DPP6: variants seen among roughly 807,000 people sequenced by gnomAD.
The protein encoded by DPP6 is A-type potassium channel modulatory protein DPP6.
DPP6 carries 69 observed loss-of-function variants against 122.6 expected under a neutral mutation model. That is an observed-to-expected ratio of 0.56 (90% CI 0.46 to 0.69). The LOEUF (loss-of-function observed/expected upper bound fraction) is 0.69, where lower values mean the gene tolerates loss of function less well. DPP6 is among the 30% of genes least tolerant of loss of function. The probability of loss-of-function intolerance (pLI) is 0.00; values close to 1 mark genes in which losing one functional copy is unlikely to be tolerated. For synonymous variants in DPP6, 418 were observed against 433.1 expected (o/e 0.97, Z 0.43); for missense variants, 928 against 1,116.9 (o/e 0.83, Z 2.41).
intron 8 of DPP6, among the ~76,000 whole-genome samples, chr7:154,751,113 G>T (rs915152430): frequency 6.6e-6 from 1 of 152,196 alleles, no homozygotes; most frequent in African/African-American, 2.4e-5. Flanking sequence ...GCAGATGGAT[G>T]TGCTGGGAGG....
At chr7:154,231,683 C>A (rs976765162) in intron 1 of DPP6, among the ~76,000 whole-genome samples, 9 of 152,066 alleles carry the variant, frequency 5.9e-5, no homozygotes, top group African/African-American at 2.2e-4. Flanking sequence ...TGTCTCTATG[C>A]CTGCAGTGAA....
At chr7:154,385,722 G>T (rs1028221332) in intron 1 of DPP6, among the ~76,000 whole-genome samples, 10 of 152,156 alleles carry the variant, frequency 6.6e-5, no homozygotes, top group African/African-American at 2.4e-4. Context: ...GTGTACGGAT[G>T]AATTCCTCAA....
At chr7:154,237,664 T>C (rs1801305098) in intron 1 of DPP6, among the ~76,000 whole-genome samples, 1 of 152,182 alleles carries the variant, frequency 6.6e-6, no homozygotes, top group African/African-American at 2.4e-5. Flanking sequence ...TTTTTTCTCT[T>C]TTCCTTCTCC....
chr7:154,650,146 A>G (rs1278809324), intron 6 of DPP6, among the ~76,000 whole-genome samples: 1 of 152,072 alleles, frequency 6.6e-6, no homozygotes, highest in African/African-American at 2.4e-5. Flanking sequence ...ATAGCAAGAC[A>G]CCCATCTCTA....
At chr7:154,746,918 T>A (rs925528662) in intron 8 of DPP6, among the ~76,000 whole-genome samples, 1 of 152,206 alleles carries the variant, frequency 6.6e-6, no homozygotes, top group African/African-American at 2.4e-5. Context: ...AACTCAAGTA[T>A]AAGCACCCTA....
chr7:154,874,121 CCACACACCCCACACATGTG>C (rs1227628604), intron 19 of DPP6, among the ~76,000 whole-genome samples: 8 of 151,944 alleles, frequency 5.3e-5, no homozygotes, highest in Non-Finnish European at 1.0e-4. Context: ...ACCCACAGAC[CCACACACCCCACACATGTG>C]CACACACACC....
chr7:154,742,040 G>A (rs1366736489), intron 8 of DPP6, among the ~76,000 whole-genome samples: 1 of 152,216 alleles, frequency 6.6e-6, no homozygotes, highest in East Asian at 1.9e-4. Flanking sequence ...CGCCCAGATT[G>A]GATGAGTCAC....
intron 10 of DPP6, among the ~76,000 whole-genome samples, chr7:154,780,772 T>G (rs1796969958): frequency 6.6e-6 from 1 of 152,212 alleles, no homozygotes; most frequent in Non-Finnish European, 1.5e-5. Flanking sequence ...TTTAAATGTG[T>G]TAACATGCAT....
At chr7:153,887,011 G>C (rs1275862135), upstream of DPP6, 1 of 152,650 alleles carries the variant, frequency 6.6e-6, no homozygotes, top group Non-Finnish European at 1.5e-5. Context: ...CCCGAGGAGG[G>C]GTGTCTGGGG....
At chr7:154,696,617 A>G (rs1418396494) in intron 7 of DPP6, among the ~76,000 whole-genome samples, 1 of 152,214 alleles carries the variant, frequency 6.6e-6, no homozygotes, top group African/African-American at 2.4e-5. Context: ...CCTGGTCCCC[A>G]TCCAGGCCCT....
At chr7:153,961,730 G>A (rs2907041) in intron 1 of DPP6, among the ~76,000 whole-genome samples, 8 of 145,784 alleles carry the variant, frequency 5.5e-5, no homozygotes, top group African/African-American at 1.6e-4. Context: ...CTAGACAGTC[G>A]CATCTGGGGA....
At chr7:154,839,382 G>A (rs913639953) in intron 16 of DPP6, among the ~76,000 whole-genome samples, 4 of 152,200 alleles carry the variant, frequency 2.6e-5, no homozygotes, top group African/African-American at 4.8e-5. Flanking sequence ...GGGAGCAAAC[G>A]GAGCCCAGTG....
chr7:154,337,401 A>G (rs1277576307), intron 1 of DPP6, among the ~76,000 whole-genome samples: 2 of 152,220 alleles, frequency 1.3e-5, no homozygotes, highest in African/African-American at 4.8e-5. Context: ...GTAGTTTTCA[A>G]TATTGTAATA....
At chr7:153,758,223 A>T in the DPP6 span, among the ~76,000 whole-genome samples, 3 of 152,182 alleles carry the variant, frequency 2.0e-5, no homozygotes, top group African/African-American at 7.2e-5. Context: ...TACTAAACTC[A>T]TTGCATAAAG....
At chr7:154,725,744 A>T (rs1842034412) in intron 7 of DPP6, among the ~76,000 whole-genome samples, 1 of 152,188 alleles carries the variant, frequency 6.6e-6, no homozygotes, top group African/African-American at 2.4e-5. Context: ...CAAAGTCTTA[A>T]CTCATTCCAG....
chr7:154,142,480 T>A (rs1795896261), intron 1 of DPP6, among the ~76,000 whole-genome samples: 1 of 152,210 alleles, frequency 6.6e-6, no homozygotes, highest in South Asian at 2.1e-4. Context: ...AACTTTTTTG[T>A]TAGGTTGGGG....
intron 1 of DPP6, among the ~76,000 whole-genome samples, chr7:154,104,666 T>A (rs1292411818): frequency 1.3e-5 from 2 of 152,254 alleles, no homozygotes. Context: ...TGTTAACCTG[T>A]GCATAACAAA....
intron 5 of DPP6, among the ~76,000 whole-genome samples, chr7:154,626,501 AG>A (rs1407821190): frequency 6.6e-6 from 1 of 152,230 alleles, no homozygotes; most frequent in African/African-American, 2.4e-5. Flanking sequence ...AGAGAATGCG[AG>A]AAACATTCTC....
chr7:154,881,702 C>T (rs577816754), intron 21 of DPP6, among the ~76,000 whole-genome samples: 1 of 152,354 alleles, frequency 6.6e-6, no homozygotes, highest in South Asian at 2.1e-4. Flanking sequence ...GCCTCCAAAA[C>T]CTCAGAGCCC....
Sources: gnomAD v4.1 joint callset for allele counts (sites outside exome capture counted in the v4.1 genomes callset) on GRCh38, gnomAD v4.1.1 for gene constraint, MANE v1.5 for transcripts, NCBI Gene and HGNC (gene_info 2026-07-23, HGNC 2026-07-21) for gene names.